Variants in NXPE2 observed in about 807,000 individuals in gnomAD.
NXPE2 encodes the protein neurexophilin and PC-esterase domain family member 2, also known as NXPE family member 2.
A neutral mutation model predicts 34.4 loss-of-function variants in NXPE2; 34 were observed. The ratio of observed to expected loss-of-function variants is 0.99; its 90% CI spans 0.75 to 1.31. NXPE2 has a LOEUF of 1.31. Among genes scored for constraint, NXPE2 ranks in the 40% most tolerant of loss-of-function variants. NXPE2 has a pLI of 0.00. For synonymous variants in NXPE2, 235 were observed against 231.3 expected, an observed-to-expected ratio of 1.02 and a Z score of -0.15; for missense variants, 649 against 672.5, an observed-to-expected ratio of 0.97 and a Z score of 0.39.
the NXPE2 span, among the ~76,000 whole-genome samples, chr11:114,537,136 C>G: frequency 6.6e-6 from 1 of 152,084 alleles, no homozygotes; most frequent in Non-Finnish European, 1.5e-5. Context: ...ATATGCAAAT[C>G]AATAAATGTA....
chr11:114,806,197 G>C, the NXPE2 span, among the ~76,000 whole-genome samples: 1 of 152,044 alleles, frequency 6.6e-6, no homozygotes, highest in East Asian at 1.9e-4. Context: ...CCATCTGTAC[G>C]TCACCATCAT....
the NXPE2 span, among the ~76,000 whole-genome samples, chr11:114,787,870 T>C: frequency 6.6e-6 from 1 of 152,152 alleles, no homozygotes; most frequent in Admixed American, 6.5e-5. Context: ...ATATTGTTCA[T>C]TGGTTGCCTG....
At chr11:114,488,971 TAAA>T in the NXPE2 span, among the ~76,000 whole-genome samples, 16 of 151,580 alleles carry the variant, frequency 1.1e-4, no homozygotes, top group African/African-American at 3.9e-4. Context: ...GCAAGACTAA[TAAA>T]GAAGAAAAGA....
intron 3 of NXPE2, among the ~76,000 whole-genome samples, chr11:114,702,436 T>G (rs935175802): frequency 6.6e-6 from 1 of 152,202 alleles, no homozygotes; most frequent in Non-Finnish European, 1.5e-5. Context: ...AATAGAGGTT[T>G]GGTCAGATTA....
At chr11:114,783,076 C>CT in the NXPE2 span, among the ~76,000 whole-genome samples, 21 of 152,166 alleles carry the variant, frequency 1.4e-4, no homozygotes, top group Admixed American at 7.2e-4. Flanking sequence ...TTATTTACTC[C>CT]GGCTCCCTGC....
At chr11:114,550,889 C>A in the NXPE2 span, among the ~76,000 whole-genome samples, 1 of 152,052 alleles carries the variant, frequency 6.6e-6, no homozygotes, top group Non-Finnish European at 1.5e-5. Flanking sequence ...AGGTCAAATC[C>A]TAATTGGAAT....
chr11:114,737,933 A>AC, the NXPE2 span, among the ~76,000 whole-genome samples: 94 of 152,134 alleles, frequency 6.2e-4, no homozygotes, highest in African/African-American at 2.2e-3. Context: ...AAAATAAAAA[A>AC]AAAATTTGCC....
chr11:114,579,298 G>A, the NXPE2 span, among the ~76,000 whole-genome samples: 3 of 152,232 alleles, frequency 2.0e-5, no homozygotes, highest in African/African-American at 4.8e-5. Context: ...ATCCACCTCC[G>A]TGACCCAAAC....
At chr11:114,603,085 A>G in the NXPE2 span, among the ~76,000 whole-genome samples, 1 of 151,788 alleles carries the variant, frequency 6.6e-6, no homozygotes, top group African/African-American at 2.4e-5. Flanking sequence ...TACCTAGTGG[A>G]TAATAATTAT....
At chr11:114,520,005 G>A in the NXPE2 span, among the ~76,000 whole-genome samples, 3 of 127,282 alleles carry the variant, frequency 2.4e-5, no homozygotes, top group Admixed American at 7.8e-5. Flanking sequence ...TAGTAAAGAC[G>A]GGGTTTCACT....
the NXPE2 span, among the ~76,000 whole-genome samples, chr11:114,633,228 A>G: frequency 3.0e-5 from 4 of 133,606 alleles, no homozygotes; most frequent in East Asian, 8.4e-4. Flanking sequence ...ATATATATAA[A>G]TATATGTAAC....
chr11:114,483,735 T>G, the NXPE2 span, among the ~76,000 whole-genome samples: 1 of 152,202 alleles, frequency 6.6e-6, no homozygotes, highest in African/African-American at 2.4e-5. Flanking sequence ...ACATTTCTTT[T>G]GTTGGTAGAA....
At chr11:114,667,150 G>A in the NXPE2 span, among the ~76,000 whole-genome samples, 1 of 152,050 alleles carries the variant, frequency 6.6e-6, no homozygotes, top group South Asian at 2.1e-4. Context: ...AGATATTTAC[G>A]TGAAGATCCA....
chr11:114,485,285 T>C, the NXPE2 span, among the ~76,000 whole-genome samples: 1 of 151,858 alleles, frequency 6.6e-6, no homozygotes, highest in Non-Finnish European at 1.5e-5. Context: ...CTTGGCTCAC[T>C]GCATCCTCCA....
the NXPE2 span, among the ~76,000 whole-genome samples, chr11:114,787,213 G>GA: frequency 6.6e-6 from 1 of 152,134 alleles, no homozygotes; most frequent in Non-Finnish European, 1.5e-5. Flanking sequence ...GGAAAGTGGG[G>GA]AAAAAAGCTC....
the NXPE2 span, among the ~76,000 whole-genome samples, chr11:114,772,804 G>A: frequency 2.6e-5 from 4 of 152,094 alleles, no homozygotes; most frequent in South Asian, 2.1e-4. Context: ...GACAGAAAGC[G>A]GGGTTCAGCA....
the NXPE2 span, among the ~76,000 whole-genome samples, chr11:114,771,482 C>T: frequency 6.6e-6 from 1 of 151,762 alleles, no homozygotes; most frequent in Non-Finnish European, 1.5e-5. Flanking sequence ...AGGCCTGTGG[C>T]CTTCCTTAAA....
At chr11:114,636,450 G>A in the NXPE2 span, among the ~76,000 whole-genome samples, 1 of 151,918 alleles carries the variant, frequency 6.6e-6, no homozygotes, top group Non-Finnish European at 1.5e-5. Context: ...GGTTTTTTGT[G>A]TCTCTATTTC....
chr11:114,703,984 C>T lies in NXPE2; in HGVS notation c.867-7C>T, dbSNP rs1459815829. ...ATTAAGCTAATTTATTTTCCCATTT[C>T]TTGCAGGTCCAACATAGGAGTTGAA... On this transcript the variant is annotated splice_polypyrimidine_tract_variant and splice_region_variant and intron_variant, in intron 3 of 5. Transcript: ENST00000389586. The T allele has an allele frequency of 7.1e-6, 11 of 1,548,612 alleles. No homozygotes were observed. In the East Asian group the frequency reaches 2.2e-4, roughly 31 times the overall value.
Sources: gnomAD v4.1 joint callset for allele counts (sites outside exome capture counted in the v4.1 genomes callset) on GRCh38, gnomAD v4.1.1 for gene constraint, MANE v1.5 for transcripts, NCBI Gene and HGNC (gene_info 2026-07-23, HGNC 2026-07-21) for gene names.